Variants in NOCT observed in about 807,000 individuals in gnomAD.
NOCT encodes nocturnin, also known as CCR4 carbon catabolite repression 4-like.
In NOCT, 18 loss-of-function variants were observed where a neutral mutation model predicts 35.0. That is an observed-to-expected ratio of 0.51 (90% CI 0.36 to 0.76). The LOEUF is 0.76. Among genes scored for constraint, NOCT ranks in the 30% least tolerant of loss-of-function variants. NOCT has a pLI of 0.01. For missense variants in NOCT, 479 were observed against 541.0 expected (o/e 0.89, Z 1.14); for synonymous variants, 235 against 226.3 (o/e 1.04, Z -0.34).
At chr4:139,031,180 C>T (rs1018966446) in intron 1 of NOCT, among the ~76,000 whole-genome samples, 4 of 150,944 alleles carry the variant, frequency 2.6e-5, no homozygotes, top group South Asian at 4.2e-4. Context: ...GATGGAGTCT[C>T]GCTCTGTTGC....
intron 1 of NOCT, among the ~76,000 whole-genome samples, chr4:139,040,566 C>T (rs1726818538): frequency 6.6e-6 from 1 of 152,194 alleles, no homozygotes. Context: ...ATCCTTCCTT[C>T]TGCACATTCA....
intron 1 of NOCT, among the ~76,000 whole-genome samples, chr4:139,020,698 C>T (rs1477770615): frequency 6.6e-6 from 1 of 152,268 alleles, no homozygotes. Context: ...ATGAGCTCTG[C>T]CCCTCCTTTC....
intron 1 of NOCT, among the ~76,000 whole-genome samples, chr4:139,039,754 A>C (rs1355227720): frequency 6.6e-6 from 1 of 151,666 alleles, no homozygotes; most frequent in Non-Finnish European, 1.5e-5. Flanking sequence ...TTTGAGATGG[A>C]GTATCGCTCT....
intron 1 of NOCT, among the ~76,000 whole-genome samples, chr4:139,039,585 AT>A (rs1291710245): frequency 1.4e-5 from 2 of 144,866 alleles, no homozygotes; most frequent in African/African-American, 2.6e-5. Flanking sequence ...TCTCCCTTTT[AT>A]TTTTTTTTAA....
intron 1 of NOCT, among the ~76,000 whole-genome samples, chr4:139,040,286 C>T (rs1189535285): frequency 6.6e-6 from 1 of 151,670 alleles, no homozygotes; most frequent in East Asian, 1.9e-4. Context: ...ATGATGCGCC[C>T]GCCTCGGCCT....
At chr4:139,033,564 G>T (rs190252708) in intron 1 of NOCT, among the ~76,000 whole-genome samples, 1 of 151,510 alleles carries the variant, frequency 6.6e-6, no homozygotes, top group Non-Finnish European at 1.5e-5. Context: ...CATCCCAGCT[G>T]CTTAGGCTGA....
At chr4:139,028,287 A>G (rs1229983498) in intron 1 of NOCT, 4 of 152,242 alleles carry the variant, frequency 2.6e-5, no homozygotes, top group African/African-American at 9.7e-5. Context: ...GTCCTGGCTG[A>G]AGGTATGGTT....
chr4:139,022,793 T>C (rs868481677), intron 1 of NOCT, among the ~76,000 whole-genome samples: 7 of 152,230 alleles, frequency 4.6e-5, no homozygotes, highest in South Asian at 4.1e-4. Flanking sequence ...TGAAAATAAG[T>C]GCTTAGAAGT....
intron 1 of NOCT, among the ~76,000 whole-genome samples, chr4:139,018,143 A>T (rs1726346227): frequency 6.6e-6 from 1 of 151,384 alleles, no homozygotes; most frequent in Non-Finnish European, 1.5e-5. Context: ...AACTGCCAGA[A>T]TGAGTATATT....
Position 139,016,165 on chromosome 4 carries a change from C to G in NOCT, c.184C>G (p.Arg62Gly), listed in dbSNP as rs534646574. The G allele has an allele frequency of 3.2e-6, 4 of 1,259,916 alleles. No individual in the cohort carries two copies. The highest frequency in any genetic ancestry group is 3.1e-5 in the African/African-American group (2 of 64,240). The allele number at this position is 1,259,916 out of a possible 1,614,324, so 78.0% of individuals were successfully genotyped here. Residue 62 changes from arginine (R) to glycine (G), a missense_variant, in exon 1 of 3, where the codon CGA (arginine) becomes GGA (glycine). Arg to Gly is a moderately radical substitution (Grantham distance 125). Around this residue, in one of 2 missense-constraint regions of NOCT, gnomAD observed 265 missense variants for 257.0 expected, o/e 1.03. Coordinates refer to ENST00000280614, the MANE Select transcript of NOCT (RefSeq NM_012118.4). ...AASGAARSCS[R>G]TVCSMGTGTS... is the part of the protein sequence containing the mutation. ...CTCGGGCGCCGCGAGGTCGTGTTCC[C>G]GAACAGGTGAGTGCACCCCAGTTCC...
At chr4:139,023,803 TTTTAAAGACCA>T (rs1272396510) in intron 1 of NOCT, among the ~76,000 whole-genome samples, 2 of 152,202 alleles carry the variant, frequency 1.3e-5, no homozygotes, top group African/African-American at 4.8e-5. Context: ...GCCTCTGAAC[TTTTAAAGACCA>T]TTGTGAGTAT....
At chr4:139,019,116 C>T (rs1193470203) in intron 1 of NOCT, among the ~76,000 whole-genome samples, 2 of 152,076 alleles carry the variant, frequency 1.3e-5, no homozygotes, top group Non-Finnish European at 2.9e-5. Flanking sequence ...AGTGTAGTGG[C>T]GCCACCTCTG....
chr4:139,039,585 A>AT (rs1291710245), intron 1 of NOCT, among the ~76,000 whole-genome samples: 14 of 144,964 alleles, frequency 9.7e-5, no homozygotes, highest in East Asian at 8.3e-4. Context: ...TCTCCCTTTT[A>AT]TTTTTTTTTA....
In NOCT at chr4:139,045,567, A is replaced by G; in HGVS notation, c.*93A>G. On this transcript the variant is annotated 3_prime_UTR_variant, in exon 3 of 3. Transcript: ENST00000280614. ...AGTCTCGCTCTGTTGCCTAGGCTGG[A>G]GTACAGTGGCCTGATCTCGGCTCAC... The G allele has an allele frequency of 1.5e-6, 1 of 681,782 alleles. No homozygotes were observed. The highest frequency in any genetic ancestry group is 2.1e-5 in the South Asian group (1 of 47,622). The allele number at this position is 681,782 out of a possible 1,614,324, so 42.2% of individuals were successfully genotyped here.
intron 1 of NOCT, among the ~76,000 whole-genome samples, chr4:139,034,292 G>T (rs1484888419): frequency 6.6e-6 from 1 of 151,730 alleles, no homozygotes; most frequent in Admixed American, 6.6e-5. Flanking sequence ...ACCTCCCATT[G>T]CCCAACTCCC....
Position 139,044,657 on chromosome 4 carries a change from AC to A in NOCT, c.480del (p.Asp160GlufsTer51). The A allele has an allele frequency of 6.2e-7, 1 of 1,610,556 alleles. No homozygotes were observed. ...TTTTCAGCTCTTGGAGAAGGCAAAGACAACTTTGTACAGTGCCCTGTTGAAG... is the reference window on the plus strand; with the variant it reads ...TTTTCAGCTCTTGGAGAAGGCAAAGAAACTTTGTACAGTGCCCTGTTGAAG... ...ILAQALGEGK[D>X]NFVQCPVEAL... On this transcript the variant is annotated frameshift_variant, in exon 3 of 3. Coordinates refer to ENST00000280614, the MANE Select transcript of NOCT (RefSeq NM_012118.4). LOFTEE classifies it high-confidence loss of function.
At chr4:139,021,990 C>G (rs1376349310) in intron 1 of NOCT, among the ~76,000 whole-genome samples, 2 of 152,024 alleles carry the variant, frequency 1.3e-5, no homozygotes, top group African/African-American at 4.8e-5. Flanking sequence ...AACTCCTGAC[C>G]TCAGGTGATA....
rs777253986 is a variant in NOCT at position 139,044,924 on chromosome 4, A to G, written c.746A>G (p.Asn249Ser). 3 of 1,614,248 alleles carry G rather than the reference A, an allele frequency of 1.9e-6. No homozygotes were observed. Among genetic ancestry groups the G allele is most frequent in the Admixed American group, 3.3e-5 (2 of 60,030 alleles). ...FFLQNRFKLV[N>S]SANIRLTAMT... ...CTTCAAAACCGATTCAAGCTAGTCAACAGTGCCAATATTAGGCTGACAGCC... is the reference window on the plus strand; with the variant it reads ...CTTCAAAACCGATTCAAGCTAGTCAGCAGTGCCAATATTAGGCTGACAGCC... Residue 249 changes from asparagine (N) to serine (S), a missense_variant, in exon 3 of 3, where the codon AAC (asparagine) becomes AGC (serine). Coordinates refer to ENST00000280614, the MANE Select transcript of NOCT (RefSeq NM_012118.4).
At position 139,015,909 on chromosome 4, in the gene NOCT, C is replaced by T; in HGVS notation, c.-73C>T. On this transcript the variant is annotated 5_prime_UTR_variant, in exon 1 of 3. Transcript: ENST00000280614. ...CACACTGCCCGGACAGTCGGCTCGA[C>T]TCGGTGCCCTCGGCCCCAGCCGGGC... The T allele has an allele frequency of 8.4e-7, 1 of 1,186,820 alleles. No homozygotes were observed. The highest frequency in any genetic ancestry group is 1.1e-6 in the Non-Finnish European group (1 of 933,804). 73.5% of individuals were successfully genotyped at this position (1,186,820 alleles called of 1,614,324 possible).
Sources: allele counts gnomAD v4.1 joint callset (sites outside exome capture counted in the v4.1 genomes callset), GRCh38; gene constraint gnomAD v4.1.1; regional missense constraint gnomAD v4.1.1; transcripts MANE v1.5; gene names NCBI Gene and HGNC (gene_info 2026-07-23, HGNC 2026-07-21).